FER1L6: variants seen among roughly 807,000 people sequenced by gnomAD.
FER1L6 encodes the protein fer-1 like family member 6.
In FER1L6, 177 loss-of-function variants were observed where a neutral mutation model predicts 219.2. The ratio of observed to expected loss-of-function variants is 0.81; its 90% CI spans 0.71 to 0.91. The LOEUF is 0.91. Ranked by LOEUF, FER1L6 falls within the 40% of genes least tolerant of loss-of-function variation. FER1L6 has a pLI of 0.00. For synonymous variants in FER1L6, 768 were observed against 824.3 expected (o/e 0.93, Z 1.17); for missense variants, 2,153 against 2,259.9 (o/e 0.95, Z 0.96).
chr8:123,997,296 AG>A (rs1817178549), intron 12 of FER1L6, among the ~76,000 whole-genome samples: 2 of 152,268 alleles, frequency 1.3e-5, no homozygotes, highest in African/African-American at 4.8e-5. Context: ...CTAGGATAAA[AG>A]GGTTTTTGTT....
chr8:123,923,926 C>A (rs1371103066), intron 1 of FER1L6, among the ~76,000 whole-genome samples: 2 of 122,282 alleles, frequency 1.6e-5, no homozygotes, highest in African/African-American at 3.3e-5. Flanking sequence ...GACTACAGAT[C>A]GAGACTCCAA....
At chr8:124,036,615 A>G (rs1347711630) in intron 19 of FER1L6, among the ~76,000 whole-genome samples, 3 of 152,178 alleles carry the variant, frequency 2.0e-5, no homozygotes, top group Admixed American at 6.5e-5. Context: ...GAGAGTTTTC[A>G]TCTTTGGGTA....
chr8:124,013,331 A>G (rs970574266), intron 14 of FER1L6, 100 bp from the exon 15 acceptor site: 11 of 666,308 alleles, frequency 1.7e-5, no homozygotes, highest in Non-Finnish European at 2.2e-5. Flanking sequence ...GCCAAAACAA[A>G]AAAAAAATAG....
At chr8:124,060,880 T>A (rs1044481370) in intron 24 of FER1L6, 171 bp downstream of exon 24, 6 of 760,200 alleles carry the variant, frequency 7.9e-6, no homozygotes, top group Non-Finnish European at 1.2e-5. Context: ...TTTTGAAACG[T>A]TTCCAGTGTG....
At chr8:124,092,559 G>A (rs1447919030) in intron 34 of FER1L6, among the ~76,000 whole-genome samples, 2 of 152,018 alleles carry the variant, frequency 1.3e-5, no homozygotes, top group African/African-American at 4.8e-5. Context: ...TTTAGGGTGA[G>A]GGGAAAAAAA....
At chr8:123,856,316 G>GTATA (rs1554608009) in intron 1 of FER1L6, among the ~76,000 whole-genome samples, 3,590 of 44,994 alleles carry the variant, frequency 0.08, 519 homozygotes, top group South Asian at 0.27. Context: ...ATATGTATGT[G>GTATA]TATATATATA....
intron 3 of FER1L6, among the ~76,000 whole-genome samples, chr8:123,963,849 A>G (rs1267043579): frequency 6.6e-6 from 1 of 152,260 alleles, no homozygotes; most frequent in Non-Finnish European, 1.5e-5. Context: ...ATGTGTAACA[A>G]ATAGCCCCCA....
intron 1 of FER1L6, among the ~76,000 whole-genome samples, chr8:123,878,550 G>A (rs1414758512): frequency 6.6e-6 from 1 of 152,152 alleles, no homozygotes; most frequent in Non-Finnish European, 1.5e-5. Context: ...TCAGGAGAAG[G>A]ATTACCCTTA....
chr8:124,088,503 G>A (rs995969274), intron 33 of FER1L6, among the ~76,000 whole-genome samples: 9 of 152,036 alleles, frequency 5.9e-5, no homozygotes, highest in African/African-American at 2.2e-4. Flanking sequence ...CGATGGCTGG[G>A]CTGGTGCCCA....
Position 123,852,635 on chromosome 8 carries a change from T to C in FER1L6, c.-8+450T>C, listed in dbSNP as rs917598969. On this transcript the variant is annotated intron_variant, in intron 1 of 40. Coordinates refer to ENST00000522917, the MANE Select transcript of FER1L6 (RefSeq NM_001039112.2). This position sits in a 1 kb window ranked among gnomAD's most constrained non-coding sequence, Gnocchi z 4.9. ...AGAAAATGTGGGGCCTCTCACAAGATTGTTAGACTTTTAAAACATAAATTT... is the reference window on the plus strand; with the variant it reads ...AGAAAATGTGGGGCCTCTCACAAGACTGTTAGACTTTTAAAACATAAATTT... Among the ~76,000 whole-genome samples, 2 of 152,148 alleles carry C rather than the reference T, an allele frequency of 1.3e-5. No homozygotes were observed. Among genetic ancestry groups the C allele is most frequent in the Non-Finnish European group, 2.9e-5 (2 of 68,016 alleles).
chr8:123,915,963 C>T (rs1813176934), intron 1 of FER1L6, among the ~76,000 whole-genome samples: 1 of 152,124 alleles, frequency 6.6e-6, no homozygotes, highest in Admixed American at 6.5e-5. Context: ...AAAGTATACC[C>T]TATGTCCATT....
rs1160269765 is a variant in FER1L6 at position 123,853,765 on chromosome 8, C to A, written c.-8+1580C>A. On this transcript the variant is annotated intron_variant, in intron 1 of 40. Transcript: ENST00000522917. The surrounding 1 kb of genome is among the most constrained non-coding windows in gnomAD (Gnocchi z 6.6). ...GGCCAGAAAGCTGCAGACAACCCAA[C>A]AGTGTCAAGCACAGAGGCTGGTTTT... 2.6e-5 allele frequency among the ~76,000 whole-genome samples: 4 copies of A among 152,190 alleles called. No individual in the cohort carries two copies. The highest frequency in any genetic ancestry group is 5.9e-5 in the Non-Finnish European group (4 of 68,042).
chr8:123,880,335 C>T (rs1457882956), intron 1 of FER1L6, among the ~76,000 whole-genome samples: 1 of 152,218 alleles, frequency 6.6e-6, no homozygotes, highest in Non-Finnish European at 1.5e-5. Context: ...TGGCAATCCA[C>T]AGGAACTGGC....
intron 31 of FER1L6, 24 bp downstream of exon 31, chr8:124,071,655 AG>A (rs760367273): frequency 1.2e-6 from 2 of 1,604,250 alleles, no homozygotes; most frequent in Non-Finnish European, 1.7e-6. Context: ...GTTTGCTCTG[AG>A]GGGGTGTATT....
At chr8:123,972,866 A>G (rs1815884581) in intron 6 of FER1L6, among the ~76,000 whole-genome samples, 1 of 152,152 alleles carries the variant, frequency 6.6e-6, no homozygotes, top group Non-Finnish European at 1.5e-5. Context: ...ACCTTCCTTT[A>G]GAACTTCCTC....
intron 35 of FER1L6, among the ~76,000 whole-genome samples, chr8:124,096,095 G>C (rs1178630233): frequency 6.6e-6 from 1 of 152,202 alleles, no homozygotes; most frequent in East Asian, 1.9e-4. Context: ...TATAGACCTA[G>C]TGATTGCACG....
At chr8:124,025,336 C>T (rs1818659617) in intron 18 of FER1L6, among the ~76,000 whole-genome samples, 1 of 151,990 alleles carries the variant, frequency 6.6e-6, no homozygotes, top group African/African-American at 2.4e-5. Flanking sequence ...TTTAATCCAT[C>T]TTGAGTTAAT....
Position 124,066,528 on chromosome 8 carries a change from C to T in FER1L6, c.3656C>T (p.Ala1219Val), listed in dbSNP as rs751310616. 2.5e-6 allele frequency: 4 copies of T among 1,614,010 alleles called. No homozygotes were observed. Among genetic ancestry groups the T allele is most frequent in the Non-Finnish European group, 3.4e-6 (4 of 1,179,920 alleles). Reference sequence around the variant, plus strand: ...ATTGACTGGTGGTCTAAGTATTATGCCTCCCTGAAGAAAGCCCAGAAGGTA... The same window carrying T: ...ATTGACTGGTGGTCTAAGTATTATGTCTCCCTGAAGAAAGCCCAGAAGGTA... The part of the protein sequence containing the change: ...NVIDWWSKYY[A>V]SLKKAQKAKE... Residue 1219 changes from alanine (A) to valine (V), a missense_variant, in exon 27 of 41, where the codon GCC (alanine) becomes GTC (valine). Transcript: ENST00000522917.
At chr8:123,900,650 G>A (rs1219273960) in intron 1 of FER1L6, among the ~76,000 whole-genome samples, 1 of 152,094 alleles carries the variant, frequency 6.6e-6, no homozygotes, top group East Asian at 1.9e-4. Flanking sequence ...GTCATAGATG[G>A]CTTTAATTAC....
Sources: gnomAD v4.1 joint callset for allele counts (sites outside exome capture counted in the v4.1 genomes callset) on GRCh38, gnomAD v4.1.1 for gene constraint, Gnocchi (gnomAD v3.1) non-coding constraint, MANE v1.5 for transcripts, NCBI Gene and HGNC (gene_info 2026-07-23, HGNC 2026-07-21) for gene names.